SH3BP2: variants seen among roughly 807,000 people sequenced by gnomAD.
SH3BP2 encodes SH3 domain binding protein 2.
SH3BP2 carries 38 observed loss-of-function variants against 56.2 expected under a neutral mutation model. The observed-to-expected ratio is 0.68, with a 90% CI of 0.52 to 0.89. SH3BP2 has a LOEUF of 0.89. Ranked by LOEUF, SH3BP2 falls within the 40% of genes least tolerant of loss-of-function variation. SH3BP2 has a pLI of 0.00. For missense variants in SH3BP2, 748 were observed against 762.6 expected (o/e 0.98, Z 0.23); for synonymous variants, 346 against 316.7 (o/e 1.09, Z -0.98).
chr4:2,820,108 A>C (rs111822200), intron 1 of SH3BP2, among the ~76,000 whole-genome samples: 3,599 of 152,116 alleles, frequency 0.024, 138 homozygotes, highest in African/African-American at 0.082. Context: ...GAGGCTTGGG[A>C]TCTCCCAGAA....
Position 2,810,855 on chromosome 4 carries a change from C to T in SH3BP2, c.-4-9759C>T, listed in dbSNP as rs1482917761. Among the ~76,000 whole-genome samples the T allele has an allele frequency of 6.6e-6, 1 of 152,228 alleles. No homozygotes were observed. The highest frequency in any genetic ancestry group is 1.9e-4 in the East Asian group (1 of 5,180). On this transcript the variant is annotated intron_variant, in intron 1 of 12. Transcript: ENST00000503393. This position sits in a 1 kb window ranked among gnomAD's most constrained non-coding sequence, Gnocchi z 4.2. ...AGGGGTTCCTCACCTGCTGTTTGAT[C>T]TCAACCCTCCTGCAAGGAGGAAAGA...
chr4:2,826,506 T>G (rs1375408116), intron 5 of SH3BP2: 1 of 219,556 alleles, frequency 4.6e-6, no homozygotes, highest in Non-Finnish European at 8.7e-6. Context: ...GTCTGCGTGT[T>G]GCTCTGTGTG....
intron 2 of SH3BP2, 139 bp from the exon 3 acceptor site, chr4:2,822,796 G>T: frequency 1.4e-6 from 1 of 713,764 alleles, no homozygotes; most frequent in Admixed American, 2.1e-5. Context: ...CAGCATGCCA[G>T]CCTTGCTCCC....
At chr4:2,796,448 G>A in intron 1 of SH3BP2, 5 of 985,506 alleles carry the variant, frequency 5.1e-6, no homozygotes, top group Non-Finnish European at 6.0e-6. Flanking sequence ...AGATCGTGCT[G>A]GAACTGCTGG....
In SH3BP2 at chr4:2,834,998, C is replaced by G. The variant is rs1725182590; in HGVS notation, c.*1164C>G. ...CTTCCAGGCAATACCTGGCTCAGGC[C>G]CAGCCCCAATCCATCCCCTTACTTT... On this transcript the variant is annotated 3_prime_UTR_variant, in exon 13 of 13. Coordinates refer to ENST00000503393, the MANE Select transcript of SH3BP2 (RefSeq NM_001122681.2). 1 of 152,406 alleles carries G rather than the reference C, an allele frequency of 6.6e-6. No individual in the cohort carries two copies. Among genetic ancestry groups the G allele is most frequent in the African/African-American group, 2.4e-5 (1 of 41,448 alleles). 9.4% of individuals were successfully genotyped at this position (152,406 alleles called of 1,614,324 possible).
intron 1 of SH3BP2, chr4:2,812,333 C>T (rs1723781281): frequency 1.3e-6 from 2 of 1,549,854 alleles, no homozygotes; most frequent in Non-Finnish European, 1.7e-6. Context: ...GTGGGGCAGC[C>T]AGGCGCGTCA....
At chr4:2,801,781 A>G (rs1349534551) in intron 1 of SH3BP2, among the ~76,000 whole-genome samples, 3 of 152,260 alleles carry the variant, frequency 2.0e-5, no homozygotes, top group Non-Finnish European at 4.4e-5. Flanking sequence ...AAAACGAACA[A>G]CATCCGGGAA....
chr4:2,833,677 C>T lies in SH3BP2; in HGVS notation c.1549-20C>T. The T allele has an allele frequency of 6.2e-7, 1 of 1,607,094 alleles. No homozygotes were observed. Among genetic ancestry groups the T allele is most frequent in the Non-Finnish European group, 8.5e-7 (1 of 1,176,938 alleles). ...GAGTGGCCTGGCCCTGCTGACGCTCCCCCTTCTCTTCCCCCACAGGACTCT... is the reference window on the plus strand; with the variant it reads ...GAGTGGCCTGGCCCTGCTGACGCTCTCCCTTCTCTTCCCCCACAGGACTCT... On this transcript the variant is annotated intron_variant, in intron 12 of 12. Transcript: ENST00000503393.
intron 1 of SH3BP2, among the ~76,000 whole-genome samples, chr4:2,804,892 C>T (rs962377735): frequency 3.9e-5 from 6 of 152,250 alleles, no homozygotes; most frequent in African/African-American, 1.4e-4. Context: ...CGTTGCAGCT[C>T]ACTCAGCCTC....
At position 2,829,688 on chromosome 4, in the gene SH3BP2, CGAGGCGGGCTGA is replaced by C; in HGVS notation, c.784_795del (p.Arg262_Glu265del). Reference sequence around the variant, plus strand: ...GACTCCAAGAGGGACCCACTGTGCCCGAGGCGGGCTGAGCCTTGCCCCAGGGTACCTGCTACC... The same window carrying C: ...GACTCCAAGAGGGACCCACTGTGCCCGCCTTGCCCCAGGGTACCTGCTACC... On this transcript the variant is annotated inframe_deletion, in exon 8 of 13. Coordinates refer to ENST00000503393, the MANE Select transcript of SH3BP2 (RefSeq NM_001122681.2). The surrounding 1 kb of genome is among the most constrained non-coding windows in gnomAD (Gnocchi z 4.9). The C allele has an allele frequency of 1.2e-6, 2 of 1,613,076 alleles. No homozygotes were observed. The highest frequency in any genetic ancestry group is 8.5e-7 in the Non-Finnish European group (1 of 1,179,876).
intron 1 of SH3BP2, chr4:2,812,620 CA>C (rs1723801898): frequency 1.9e-6 from 2 of 1,070,328 alleles, no homozygotes; most frequent in Non-Finnish European, 1.3e-6. Flanking sequence ...CCTGAGCCTG[CA>C]AAAGGCAACA....
At chr4:2,815,344 G>A (rs1214058543) in intron 1 of SH3BP2, among the ~76,000 whole-genome samples, 2 of 152,202 alleles carry the variant, frequency 1.3e-5, no homozygotes, top group South Asian at 4.1e-4. Flanking sequence ...TCCCTGAAGC[G>A]AGGAATTCCC....
chr4:2,795,701 G>T (rs1460694079), intron 1 of SH3BP2, among the ~76,000 whole-genome samples: 1 of 152,226 alleles, frequency 6.6e-6, no homozygotes, highest in Non-Finnish European at 1.5e-5. Flanking sequence ...AGCCATGCAG[G>T]TACAGACAGA....
intron 1 of SH3BP2, among the ~76,000 whole-genome samples, chr4:2,811,109 A>G (rs1723730286): frequency 6.6e-6 from 1 of 152,204 alleles, no homozygotes; most frequent in Non-Finnish European, 1.5e-5. Flanking sequence ...CTGCAGCCCA[A>G]ACGGGCCCCG....
intron 10 of SH3BP2, 172 bp from the exon 11 acceptor site, chr4:2,832,159 G>A: frequency 1.0e-6 from 1 of 957,544 alleles, no homozygotes; most frequent in Non-Finnish European, 1.7e-6. Context: ...ACCCTGGCTG[G>A]CCAGGGCTCT....
Position 2,814,198 on chromosome 4 carries a change from C to T in SH3BP2, c.-4-6416C>T, listed in dbSNP as rs556705846. ...GTGAGTGCACCACCTGTGACATTAA[C>T]TGGGTGTGCAGAGACACAGCGCACA... On this transcript the variant is annotated intron_variant, in intron 1 of 12. Coordinates refer to ENST00000503393, the MANE Select transcript of SH3BP2 (RefSeq NM_001122681.2). Among the ~76,000 whole-genome samples, 3 of 152,374 alleles carry T rather than the reference C, an allele frequency of 2.0e-5. No individual in the cohort carries two copies. In the South Asian group the frequency reaches 6.2e-4, roughly 32 times the overall value.
chr4:2,802,494 G>GTA (rs1323867963), intron 1 of SH3BP2, among the ~76,000 whole-genome samples: 2 of 145,726 alleles, frequency 1.4e-5, no homozygotes, highest in East Asian at 4.0e-4. Flanking sequence ...ATGTGTATAT[G>GTA]TATATATATG....
rs1725184869 is a variant in SH3BP2, at chr4:2,835,076, T to G, written c.*1242T>G. 6.6e-6 allele frequency: 1 copy of G among 152,182 alleles called. No individual in the cohort carries two copies. The highest frequency in any genetic ancestry group is 1.5e-5 in the Non-Finnish European group (1 of 68,050). 9.4% of individuals were successfully genotyped at this position (152,182 alleles called of 1,614,324 possible). A position where few individuals can be genotyped will look rare whatever the true frequency, so the allele number is the denominator to read the frequency against. On this transcript the variant is annotated 3_prime_UTR_variant, in exon 13 of 13. Transcript: ENST00000503393. ...TCCCTGGCACACCTTCCAGGCTGGA[T>G]TTTTAATGAAACAGACTCAGGGAGG...
At chr4:2,819,195 T>C (rs1159997809) in intron 1 of SH3BP2, 1 of 152,282 alleles carries the variant, frequency 6.6e-6, no homozygotes, top group Non-Finnish European at 1.5e-5. Context: ...GTGCTGGGAT[T>C]ACAGGCGTGA....
Sources: allele counts gnomAD v4.1 joint callset (sites outside exome capture counted in the v4.1 genomes callset), GRCh38; gene constraint gnomAD v4.1.1; non-coding constraint Gnocchi (gnomAD v3.1); transcripts MANE v1.5; gene names NCBI Gene and HGNC (gene_info 2026-07-23, HGNC 2026-07-21).